Variants in VKORC1 observed in about 807,000 individuals in gnomAD.
VKORC1 encodes the protein vitamin K epoxide reductase complex subunit 1, also known as phylloquinone epoxide reductase.
Under a neutral mutation model 14.8 loss-of-function variants are expected in VKORC1, and 12 were observed. The ratio of observed to expected loss-of-function variants is 0.81; its 90% confidence interval spans 0.52 to 1.31. The LOEUF (loss-of-function observed/expected upper bound fraction) is 1.31, where lower values mean the gene tolerates loss of function less well. Among genes scored for constraint, VKORC1 ranks in the 50% most tolerant of loss-of-function variants. VKORC1 has a pLI of 0.00. For synonymous variants in VKORC1, 94 were observed against 92.5 expected (o/e 1.02, Z -0.09); for missense variants, 223 against 215.3 (o/e 1.04, Z -0.22).
Position 31,092,502 on chromosome 16 carries a change from C to A in VKORC1, c.283+810G>T, listed in dbSNP as rs144187163. Among the ~76,000 whole-genome samples, 3 of 152,224 alleles carry A rather than the reference C, an allele frequency of 2.0e-5. No individual in the cohort carries two copies. The South Asian group carries it at 6.2e-4, about 32-fold the overall frequency. ...GGTGCTGGGCCTCCCTCAGTGATGC[C>A]TTCTCTGGAGCTGGGAAGGGTGACT... On this transcript the variant is annotated intron_variant, in intron 2 of 2. Coordinates refer to ENST00000394975, the MANE Select transcript of VKORC1 (RefSeq NM_024006.6).
intron 2 of VKORC1, chr16:31,092,891 A>C: frequency 1.4e-6 from 1 of 701,170 alleles, no homozygotes; most frequent in Non-Finnish European, 2.1e-6. Context: ...CAAAAACAAA[A>C]ATTAGCTGGG....
chr16:31,091,338 G>A lies in VKORC1; in HGVS notation c.288C>T (p.Cys96=). The change falls in exon 3 of 3, where the codon TGC becomes TGT. Residue 96 remains cysteine, a synonymous_variant. Transcript: ENST00000394975. ...GGACAGAGGCCCAGCGTGTCCGCAG[G>A]CAACCTGCAAGGCAGAAGAGGGTCC... ...IFYTLQLLLG[C]LRTRWASVLM... 1 of 1,613,274 alleles carries A rather than the reference G, an allele frequency of 6.2e-7. No individual in the cohort carries two copies. The highest frequency in any genetic ancestry group is 8.5e-7 in the Non-Finnish European group (1 of 1,179,692).
At chr16:31,092,773 G>A in intron 2 of VKORC1, 1 of 1,281,758 alleles carries the variant, frequency 7.8e-7, no homozygotes, top group African/African-American at 1.5e-5. Flanking sequence ...GGTGGGGCAT[G>A]GTAGCTCACG....
intron 1 of VKORC1, chr16:31,094,129 C>T: frequency 6.6e-7 from 1 of 1,523,602 alleles, no homozygotes; most frequent in East Asian, 2.3e-5. Context: ...TGGCCACTCA[C>T]TCGCCTCCTC....
chr16:31,094,093 C>T (rs2057310712), intron 1 of VKORC1: 3 of 1,424,988 alleles, frequency 2.1e-6, no homozygotes, highest in African/African-American at 2.8e-5. Context: ...TTATCTTTGC[C>T]CTGGACCCCA....
rs952105156 is a variant in VKORC1, at chr16:31,091,065, A to C, written c.*69T>G. On this transcript the variant is annotated 3_prime_UTR_variant, in exon 3 of 3. Transcript: ENST00000394975. The stretch of plus-strand genomic sequence containing the variant: ...TCTAGGGCCTTCTAGGGACCCAGAT[A>C]TGCCCCCTTAGGCAAGGCTCACATG... 1 of 1,586,806 alleles carries C rather than the reference A, an allele frequency of 6.3e-7. No individual in the cohort carries two copies. Among genetic ancestry groups the C allele is most frequent in the Non-Finnish European group, 8.6e-7 (1 of 1,166,818 alleles).
In VKORC1 at chr16:31,094,784, G is replaced by T. The variant is rs979466695; in HGVS notation, c.-55C>A. The T allele has an allele frequency of 1.4e-5, 21 of 1,548,414 alleles. No homozygotes were observed. In the Admixed American group the frequency reaches 4.0e-4, roughly 30 times the overall value. Reference sequence around the variant, plus strand: ...GGAGAAAACCAGCCACGGAGCAGGGGCCGGGCGGCGAATGGCCGCGCCCCT... The same window carrying T: ...GGAGAAAACCAGCCACGGAGCAGGGTCCGGGCGGCGAATGGCCGCGCCCCT... On this transcript the variant is annotated 5_prime_UTR_variant, in exon 1 of 3. Transcript: ENST00000394975.
At position 31,091,082 on chromosome 16, in the gene VKORC1, G is replaced by A. The variant is rs545947564; in HGVS notation, c.*52C>T. ...ACCCAGATATGCCCCCTTAGGCAAG[G>A]CTCACATGCCAAAGCAAAGCAGATG... On this transcript the variant is annotated 3_prime_UTR_variant, in exon 3 of 3. Coordinates refer to ENST00000394975, the MANE Select transcript of VKORC1 (RefSeq NM_024006.6). 3.7e-6 allele frequency: 6 copies of A among 1,605,716 alleles called. No individual in the cohort carries two copies. The highest frequency in any genetic ancestry group is 5.1e-6 in the Non-Finnish European group (6 of 1,176,968).
chr16:31,094,425 T>C (rs191369353), intron 1 of VKORC1, 132 bp downstream of exon 1: 14 of 1,612,950 alleles, frequency 8.7e-6, no homozygotes, highest in Non-Finnish European at 1.2e-5. Context: ...GCTCAGCCCC[T>C]GTGCAACGAC....
intron 1 of VKORC1, chr16:31,094,079 C>A: frequency 7.7e-7 from 1 of 1,304,304 alleles, no homozygotes; most frequent in Non-Finnish European, 1.0e-6. Context: ...GAGTCGGGGG[C>A]AGATTATCTT....
chr16:31,094,627 G>C lies in VKORC1; in HGVS notation c.103C>G (p.Arg35Gly), dbSNP rs762195886. 6.2e-7 allele frequency: 1 copy of C among 1,606,290 alleles called. No homozygotes were observed. The highest frequency in any genetic ancestry group is 1.1e-5 in the South Asian group (1 of 90,482). ...CAGAGCGCGCGGTAATCCCGGTCCC[G>C]GGCGCGCGCCGCCTTCACGTGCAGC... ...YALHVKAARARDRDYRALCDV... is the reference protein window; with the variant it reads ...YALHVKAARAGDRDYRALCDV... The change falls in exon 1 of 3, where the codon CGG (arginine) becomes GGG (glycine). Residue 35 changes from arginine (R) to glycine (G), a missense_variant. By Grantham distance (125) the Arg-to-Gly change is moderately radical (BLOSUM62 -2). Transcript: ENST00000394975.
rs13336384 is a variant in VKORC1, at chr16:31,093,850, G to A, written c.174-429C>T. 9.9e-3 allele frequency: 2,832 copies of A among 285,144 alleles called. 91 individuals carry two copies. The highest frequency in any genetic ancestry group is 0.058 in the African/African-American group (2,645 of 45,520). 17.7% of individuals were successfully genotyped at this position (285,144 alleles called of 1,614,324 possible). A position where few individuals can be genotyped will look rare whatever the true frequency, so the allele number is the denominator to read the frequency against. ...GCCCCCCCGAGTAGCTGGGATTAAG[G>A]CACCCGCCATAGCGCCCGATTAATT... On this transcript the variant is annotated intron_variant, in intron 1 of 2. Transcript: ENST00000394975.
At chr16:31,094,432 C>A in intron 1 of VKORC1, 125 bp downstream of exon 1, 1 of 1,612,974 alleles carries the variant, frequency 6.2e-7, no homozygotes, top group Non-Finnish European at 8.5e-7. Context: ...CCCTGTGCAA[C>A]GACCCCGCGA....
At chr16:31,093,231 G>T in intron 2 of VKORC1, 81 bp downstream of exon 2, 1 of 1,383,068 alleles carries the variant, frequency 7.2e-7, no homozygotes. Context: ...GGATCACCAA[G>T]ATTGCATGGA....
chr16:31,091,402 C>T, intron 2 of VKORC1, 60 bp from the exon 3 acceptor site: 1 of 1,570,270 alleles, frequency 6.4e-7, no homozygotes, highest in Non-Finnish European at 8.6e-7. Flanking sequence ...CCGAACACTC[C>T]ATGATGTCAC....
Position 31,094,575 on chromosome 16 carries a change from GA to G in VKORC1, c.154del (p.Ser52ArgfsTer43), listed in dbSNP as rs765076229. The G allele has an allele frequency of 4.3e-6, 7 of 1,611,212 alleles. No individual in the cohort carries two copies. The highest frequency in any genetic ancestry group is 5.9e-6 in the Non-Finnish European group (7 of 1,179,332). Reference sequence around the variant, plus strand: ...TGCACACCTGGAGGAGAAGACGCGCGAACAGCTGATGGCGGTGCCCACGTCG... The same window carrying G: ...TGCACACCTGGAGGAGAAGACGCGCGACAGCTGATGGCGGTGCCCACGTCG... ...LCDVGTAISC[S>X]RVFSSRWGRG... On this transcript the variant is annotated frameshift_variant, in exon 1 of 3. Transcript: ENST00000394975. LOFTEE classifies it high-confidence loss of function.
intron 2 of VKORC1, among the ~76,000 whole-genome samples, chr16:31,091,615 G>A (rs956371170): frequency 2.0e-5 from 3 of 152,214 alleles, no homozygotes; most frequent in Non-Finnish European, 2.9e-5. Context: ...AGCTGGGCAC[G>A]GTGGCTCATG....
At chr16:31,094,188 G>C (rs773770064) in intron 1 of VKORC1, 9 of 1,584,132 alleles carry the variant, frequency 5.7e-6, no homozygotes, top group Admixed American at 3.4e-5. Flanking sequence ...CAGCCAGACC[G>C]GGCCACCTTG....
intron 2 of VKORC1, chr16:31,092,918 T>C: frequency 2.0e-6 from 1 of 496,056 alleles, no homozygotes; most frequent in Non-Finnish European, 3.3e-6. Flanking sequence ...GGTGCACGCC[T>C]GTGATTCCAG....
Sources: allele counts gnomAD v4.1 joint callset (sites outside exome capture counted in the v4.1 genomes callset), GRCh38; gene constraint gnomAD v4.1.1; transcripts MANE v1.5; gene names NCBI Gene and HGNC (gene_info 2026-07-23, HGNC 2026-07-21).